Variants in SRBD1 observed in about 807,000 individuals in gnomAD.
The protein encoded by SRBD1 is S1 RNA binding domain 1.
A neutral mutation model predicts 115.3 loss-of-function variants in SRBD1; 88 were observed. The observed-to-expected ratio is 0.76, with a 90% CI of 0.64 to 0.91. The LOEUF is 0.91. Among genes scored for constraint, SRBD1 ranks in the 40% least tolerant of loss-of-function variants. The pLI, the probability that SRBD1 is intolerant of heterozygous loss-of-function variation, is 0.00. For missense variants in SRBD1, 1,385 were observed against 1,177.4 expected (o/e 1.18, Z -2.58); for synonymous variants, 509 against 407.7 (o/e 1.25, Z -2.99).
intron 4 of SRBD1, among the ~76,000 whole-genome samples, chr2:45,587,237 A>G (rs1395454954): frequency 6.8e-6 from 1 of 146,666 alleles, no homozygotes. Flanking sequence ...AAGATATTTG[A>G]AATTATTTTA....
chr2:45,406,922 T>A (rs1434875919), intron 19 of SRBD1, among the ~76,000 whole-genome samples: 1 of 152,152 alleles, frequency 6.6e-6, no homozygotes, highest in Non-Finnish European at 1.5e-5. Context: ...GCCCTGTTAC[T>A]TTTCTGTGCA....
At chr2:45,507,510 C>T (rs1269209449) in intron 14 of SRBD1, among the ~76,000 whole-genome samples, 2 of 151,618 alleles carry the variant, frequency 1.3e-5, no homozygotes, top group Non-Finnish European at 1.5e-5. Flanking sequence ...ACCTGAGGTC[C>T]GGAGTTCAAG....
At chr2:45,541,989 T>C (rs1254894669) in intron 14 of SRBD1, among the ~76,000 whole-genome samples, 1 of 152,206 alleles carries the variant, frequency 6.6e-6, no homozygotes. Flanking sequence ...ACGTAGGCCC[T>C]GGCTTGGAGG....
chr2:45,504,801 C>T (rs1238098901), intron 14 of SRBD1, among the ~76,000 whole-genome samples: 1 of 152,060 alleles, frequency 6.6e-6, no homozygotes, highest in African/African-American at 2.4e-5. Context: ...TACGCCTGGC[C>T]CTTTTAGATT....
intron 14 of SRBD1, among the ~76,000 whole-genome samples, chr2:45,526,820 G>C (rs933068742): frequency 6.6e-6 from 1 of 151,746 alleles, no homozygotes; most frequent in Non-Finnish European, 1.5e-5. Flanking sequence ...AGTTATAGAA[G>C]ATTAGGATTC....
chr2:45,393,976 G>A, intron 19 of SRBD1, among the ~76,000 whole-genome samples: 1 of 152,102 alleles, frequency 6.6e-6, no homozygotes, highest in Non-Finnish European at 1.5e-5. Flanking sequence ...TTCCGTAACA[G>A]TTGAGCCTCA....
intron 14 of SRBD1, among the ~76,000 whole-genome samples, chr2:45,497,216 A>G (rs1015121850): frequency 6.6e-6 from 1 of 152,210 alleles, no homozygotes; most frequent in African/African-American, 2.4e-5. Flanking sequence ...GAACACAGGA[A>G]TTTACTAACA....
intron 16 of SRBD1, among the ~76,000 whole-genome samples, chr2:45,438,979 A>G (rs1368665914): frequency 6.6e-6 from 1 of 152,214 alleles, no homozygotes; most frequent in Non-Finnish European, 1.5e-5. Flanking sequence ...TTGTCAAAGT[A>G]GCCAGAGAGA....
At chr2:45,493,347 G>A (rs572450941) in intron 14 of SRBD1, among the ~76,000 whole-genome samples, 65 of 152,184 alleles carry the variant, frequency 4.3e-4, no homozygotes, top group Non-Finnish European at 6.3e-4. Flanking sequence ...TTTAGGGATA[G>A]GAGACAAGGC....
At chr2:45,550,331 C>T (rs1672256975) in intron 12 of SRBD1, among the ~76,000 whole-genome samples, 1 of 151,946 alleles carries the variant, frequency 6.6e-6, no homozygotes, top group African/African-American at 2.4e-5. Flanking sequence ...AAAGAAAAGA[C>T]AAGAAAACCC....
chr2:45,603,989 A>G (rs1005035388), intron 2 of SRBD1, among the ~76,000 whole-genome samples: 4 of 152,272 alleles, frequency 2.6e-5, no homozygotes, highest in African/African-American at 7.2e-5. Context: ...TTCCTCTTCC[A>G]GTCTTTCCAA....
intron 16 of SRBD1, among the ~76,000 whole-genome samples, chr2:45,456,315 C>T (rs1669151678): frequency 6.6e-6 from 1 of 151,800 alleles, no homozygotes; most frequent in Non-Finnish European, 1.5e-5. Flanking sequence ...AGGTGAGAGA[C>T]TGAAAATAAG....
intron 11 of SRBD1, among the ~76,000 whole-genome samples, chr2:45,552,015 G>C (rs1347677392): frequency 6.6e-6 from 1 of 152,096 alleles, no homozygotes; most frequent in South Asian, 2.1e-4. Context: ...TAAAGGGGAG[G>C]AAAAATTCAA....
At chr2:45,546,643 T>C (rs1572759316) in intron 14 of SRBD1, 89 bp downstream of exon 14, 7 of 1,276,146 alleles carry the variant, frequency 5.5e-6, no homozygotes, top group Middle Eastern at 2.0e-4. Flanking sequence ...AAGATGTACA[T>C]CTTAAAAAGA....
intron 18 of SRBD1, among the ~76,000 whole-genome samples, chr2:45,413,605 A>G (rs1667670819): frequency 6.6e-6 from 1 of 152,180 alleles, no homozygotes; most frequent in Non-Finnish European, 1.5e-5. Flanking sequence ...AAAAGAATCT[A>G]TTGAGTGTAG....
chr2:45,513,739 G>A (rs1279072302), intron 14 of SRBD1, among the ~76,000 whole-genome samples: 3 of 152,136 alleles, frequency 2.0e-5, no homozygotes, highest in Middle Eastern at 3.4e-3. Context: ...CTGAAAAAAA[G>A]ATGAAAATTC....
intron 4 of SRBD1, among the ~76,000 whole-genome samples, chr2:45,593,070 T>A (rs1015617307): frequency 7.2e-5 from 11 of 152,144 alleles, no homozygotes; most frequent in African/African-American, 2.4e-4. Context: ...AACTGGCAGA[T>A]AGGAATGAGA....
chr2:45,407,024 T>G (rs562734342), intron 19 of SRBD1, among the ~76,000 whole-genome samples: 1 of 152,326 alleles, frequency 6.6e-6, no homozygotes, highest in East Asian at 1.9e-4. Flanking sequence ...AGCTTTTTCA[T>G]TGTAGCCTAG....
chr2:45,561,741 A>T (rs1572778859), intron 10 of SRBD1, among the ~76,000 whole-genome samples: 1 of 152,254 alleles, frequency 6.6e-6, no homozygotes, highest in Admixed American at 6.5e-5. Context: ...AAAAGTAAAA[A>T]GTATTATACA....
Sources: gnomAD v4.1 joint callset for allele counts (sites outside exome capture counted in the v4.1 genomes callset) on GRCh38, gnomAD v4.1.1 for gene constraint, MANE v1.5 for transcripts, NCBI Gene and HGNC (gene_info 2026-07-23, HGNC 2026-07-21) for gene names.